RP1: variants seen among roughly 807,000 people sequenced by gnomAD.
RP1 encodes the protein RP1 axonemal microtubule associated.
Under a neutral mutation model 14.8 loss-of-function variants are expected in RP1, and 16 were observed. That is an observed-to-expected ratio of 1.08 (90% CI 0.73 to 1.65). The LOEUF (loss-of-function observed/expected upper bound fraction) is 1.65. Among genes scored for constraint, RP1 ranks in the 40% most tolerant of loss-of-function variants. The pLI is 0.00. For missense variants in RP1, 2,631 were observed against 2,535.0 expected (o/e 1.04, Z -0.81); for synonymous variants, 876 against 883.6 (o/e 0.99, Z 0.15).
At chr8:54,725,287 T>C in intron 16 of RP1, among the ~76,000 whole-genome samples, 1 of 152,168 alleles carries the variant, frequency 6.6e-6, no homozygotes, top group East Asian at 1.9e-4. Context: ...ATTTCTATCT[T>C]CTTTTTAATG....
intron 24 of RP1, among the ~76,000 whole-genome samples, chr8:54,816,491 G>A (rs998320073): frequency 6.6e-6 from 1 of 152,196 alleles, no homozygotes; most frequent in Non-Finnish European, 1.5e-5. Flanking sequence ...GGCAAATAAG[G>A]TGGAATTTCA....
At chr8:54,739,101 A>G in intron 19 of RP1, 1 of 1,103,142 alleles carries the variant, frequency 9.1e-7, no homozygotes. Flanking sequence ...TATGTAAAGC[A>G]GTGAAAACGG....
At chr8:54,702,182 A>G (rs1286924053) in intron 14 of RP1, among the ~76,000 whole-genome samples, 1 of 152,192 alleles carries the variant, frequency 6.6e-6, no homozygotes, top group African/African-American at 2.4e-5. Context: ...AATCATCACA[A>G]AAACACTGAC....
At position 54,706,509 on chromosome 8, in the gene RP1, C is replaced by G. The variant is rs1247333474; in HGVS notation, c.2065C>G (p.Pro689Ala). 2.0e-6 allele frequency: 3 copies of G among 1,535,720 alleles called. No individual in the cohort carries two copies. The African/African-American group carries it at 4.1e-5, about 21-fold the overall frequency. Residue 689 changes from proline to alanine, a missense_variant, in exon 15 of 23, where the codon CCT becomes GCT. Transcript: ENST00000636932. ...CCTGTGTCAGGCCCTGTGTCTCCAGCCTGATGGAAGCTGCACTGGAGTGGG... is the reference window on the plus strand; with the variant it reads ...CCTGTGTCAGGCCCTGTGTCTCCAGGCTGATGGAAGCTGCACTGGAGTGGG...
exon 10 of RP1, chr8:54,679,480 C>G: frequency 2.6e-6 from 4 of 1,535,928 alleles, no homozygotes; most frequent in Non-Finnish European, 3.5e-6. Flanking sequence ...CCAGGGATAA[C>G]AGTATCTTCT....
chr8:54,799,089 A>G (rs895243147), intron 24 of RP1, among the ~76,000 whole-genome samples: 1 of 152,046 alleles, frequency 6.6e-6, no homozygotes, highest in African/African-American at 2.4e-5. Flanking sequence ...TTTTGAGACT[A>G]TGTTAATTAA....
intron 15 of RP1, among the ~76,000 whole-genome samples, chr8:54,713,960 ATT>A: frequency 6.6e-6 from 1 of 152,330 alleles, no homozygotes; most frequent in South Asian, 2.1e-4. Flanking sequence ...AGTGAAAGAA[ATT>A]TGACCTAACA....
Position 54,825,041 on chromosome 8 carries a change from C to G in RP1, c.3616-12409C>G, listed in dbSNP as rs993193811. Among the ~76,000 whole-genome samples, 3 of 151,962 alleles carry G rather than the reference C, an allele frequency of 2.0e-5. 1 individual carries two copies. Among genetic ancestry groups the G allele is most frequent in the Non-Finnish European group, 1.5e-5 (1 of 67,996 alleles). On this transcript the variant is annotated intron_variant, in intron 24 of 28. Transcript: ENST00000637698. Reference sequence around the variant, plus strand: ...ATAGAGTGCAGTGGCGCGATCTCCGCTCACTGCAAGCTCCGCCTCCCGGGT... The same window carrying G: ...ATAGAGTGCAGTGGCGCGATCTCCGGTCACTGCAAGCTCCGCCTCCCGGGT...
At chr8:54,695,021 CTTTG>C (rs1034730196) in intron 12 of RP1, among the ~76,000 whole-genome samples, 9 of 151,952 alleles carry the variant, frequency 5.9e-5, no homozygotes, top group Admixed American at 1.3e-4. Flanking sequence ...TATGTTGCGT[CTTTG>C]TTCTCGTTGG....
downstream of RP1, among the ~76,000 whole-genome samples, chr8:54,631,262 C>T (rs911771308): frequency 2.6e-5 from 4 of 152,028 alleles, no homozygotes; most frequent in African/African-American, 9.7e-5. Flanking sequence ...CTGGAGACTA[C>T]TTCTATGTAG....
chr8:54,729,111 A>T (rs902381491), intron 17 of RP1, among the ~76,000 whole-genome samples: 3 of 152,216 alleles, frequency 2.0e-5, no homozygotes, highest in Non-Finnish European at 4.4e-5. Context: ...ACCGAATATA[A>T]AAAGAGAAGA....
chr8:54,761,839 G>T (rs566863005), intron 22 of RP1, among the ~76,000 whole-genome samples: 29 of 152,288 alleles, frequency 1.9e-4, no homozygotes, highest in African/African-American at 6.7e-4. Flanking sequence ...ACAGAGATGA[G>T]ACAGTTCCTA....
chr8:54,765,792 T>A (rs1400617725), intron 22 of RP1, among the ~76,000 whole-genome samples: 1 of 152,172 alleles, frequency 6.6e-6, no homozygotes, highest in East Asian at 1.9e-4. Context: ...TGTTCATCCT[T>A]ACCCTCTTTA....
chr8:54,587,081 G>A lies in RP1; in HGVS notation c.-13+27761G>A, dbSNP rs138507274. Among the ~76,000 whole-genome samples the A allele has an allele frequency of 7.3e-3, 1,105 of 152,274 alleles. 11 individuals carry two copies. The highest frequency in any genetic ancestry group is 0.025 in the African/African-American group (1,043 of 41,564). On this transcript the variant is annotated intron_variant, in intron 1 of 22. Transcript: ENST00000636932. Reference sequence around the variant, plus strand: ...AATGCAGAAATCACCCATCTTCTGCGTTGCTCATGCTGGGAGCTATAGACT... The same window carrying A: ...AATGCAGAAATCACCCATCTTCTGCATTGCTCATGCTGGGAGCTATAGACT...
Position 54,729,869 on chromosome 8 carries a change from A to G in RP1, c.2521+3393A>G, listed in dbSNP as rs977727441. Among the ~76,000 whole-genome samples, 6 of 152,222 alleles carry G rather than the reference A, an allele frequency of 3.9e-5. No individual in the cohort carries two copies. The East Asian group carries it at 9.6e-4, about 24-fold the overall frequency. On this transcript the variant is annotated intron_variant, in intron 17 of 22. Coordinates refer to the RP1 transcript ENST00000636932. ...TATTTCATTAGAATAATTCCCATAA[A>G]TGGAATTACAAGATAATGAATTATA...
intron 6 of RP1, among the ~76,000 whole-genome samples, chr8:54,659,910 A>G (rs781269710): frequency 5.9e-5 from 9 of 152,192 alleles, no homozygotes; most frequent in Non-Finnish European, 1.2e-4. Context: ...TGTAGTTTTC[A>G]CTGTACATAT....
At chr8:54,678,480 T>C (rs1807349470) in exon 9 of RP1, 1 of 1,535,058 alleles carries the variant, frequency 6.5e-7, no homozygotes, top group East Asian at 2.5e-5. Flanking sequence ...GGTTTCTTGA[T>C]GATGTTGTTA....
At chr8:54,755,045 G>T in intron 20 of RP1, 2 of 1,211,660 alleles carry the variant, frequency 1.7e-6, no homozygotes, top group African/African-American at 3.1e-5. Context: ...GCTTCTAAGA[G>T]AGTTGTTTTA....
intron 22 of RP1, among the ~76,000 whole-genome samples, chr8:54,763,262 C>T (rs1809684851): frequency 6.6e-6 from 1 of 152,110 alleles, no homozygotes; most frequent in South Asian, 2.1e-4. Flanking sequence ...CAATGTCATT[C>T]ACAATATATA....
Sources: allele counts gnomAD v4.1 joint callset (sites outside exome capture counted in the v4.1 genomes callset), GRCh38; gene constraint gnomAD v4.1.1; transcripts MANE v1.5; gene names NCBI Gene and HGNC (gene_info 2026-07-23, HGNC 2026-07-21).